The following MYO3B variants were observed in gnomAD, a reference collection of about 807,000 sequenced individuals.
The protein encoded by MYO3B is myosin-IIIb.
In MYO3B, 156 loss-of-function variants were observed where a neutral mutation model predicts 174.6. That is an observed-to-expected ratio of 0.89 (90% confidence interval 0.78 to 1.02). The LOEUF is 1.02. Ranked by LOEUF, MYO3B falls within the 50% of genes least tolerant of loss-of-function variation. MYO3B has a pLI of 0.00. For missense variants in MYO3B, 1,632 were observed against 1,639.4 expected, an observed-to-expected ratio of 1.00 and a Z score of 0.08; for synonymous variants, 563 against 569.1, an observed-to-expected ratio of 0.99 and a Z score of 0.15.
chr2:170,335,275 C>G (rs961571437), intron 7 of MYO3B, 110 bp from the exon 8 acceptor site: 7 of 836,222 alleles, frequency 8.4e-6, no homozygotes, highest in Non-Finnish European at 1.3e-5. Context: ...CATATGAGAA[C>G]AAACAGATTT....
intron 12 of MYO3B, 97 bp downstream of exon 12, chr2:170,383,911 G>T: frequency 2.0e-6 from 2 of 994,414 alleles, no homozygotes; most frequent in Non-Finnish European, 3.1e-6. Context: ...TTTCCATTCC[G>T]GTTGCTGGTG....
intron 32 of MYO3B, among the ~76,000 whole-genome samples, chr2:170,550,021 G>A (rs1456940523): frequency 6.6e-6 from 1 of 152,186 alleles, no homozygotes; most frequent in African/African-American, 2.4e-5. Context: ...ACAAAGGCAA[G>A]GCTACTGGGC....
intron 22 of MYO3B, among the ~76,000 whole-genome samples, chr2:170,410,361 C>CA: frequency 6.6e-6 from 1 of 151,974 alleles, no homozygotes; most frequent in Non-Finnish European, 1.5e-5. Flanking sequence ...GTGGGTGGAT[C>CA]ACGAGGTCAG....
rs552303122 is a variant in MYO3B at position 170,493,704 on chromosome 2, A to G, written c.3015-4888A>G. Among the ~76,000 whole-genome samples the G allele has an allele frequency of 3.9e-5, 6 of 152,354 alleles. No homozygotes were observed. In the South Asian group the frequency reaches 1.2e-3, roughly 32 times the overall value. Reference sequence around the variant, plus strand: ...CATTTCTAAGCCTAGGTCATAAAACACATTGCAAATTCTTCTCTTTCTCTC... The same window carrying G: ...CATTTCTAAGCCTAGGTCATAAAACGCATTGCAAATTCTTCTCTTTCTCTC... On this transcript the variant is annotated intron_variant, in intron 25 of 34. Transcript: ENST00000408978.
At chr2:170,475,160 A>G (rs539647682) in intron 25 of MYO3B, among the ~76,000 whole-genome samples, 3 of 152,274 alleles carry the variant, frequency 2.0e-5, no homozygotes, top group East Asian at 3.9e-4. Context: ...TCTCTCACCC[A>G]TGATGTTCTT....
At position 170,488,061 on chromosome 2, in the gene MYO3B, C is replaced by T. The variant is rs575648218; in HGVS notation, c.3015-10531C>T. Among the ~76,000 whole-genome samples, 13 of 152,192 alleles carry T rather than the reference C, an allele frequency of 8.5e-5. 1 individual carries two copies. The highest frequency in any genetic ancestry group is 7.2e-4 in the Admixed American group (11 of 15,286). The stretch of plus-strand genomic sequence containing the variant: ...TCAAATTAAAACCACAATTCAACAC[C>T]ATGTTATGCCTATTTTGGCAGTAAC... On this transcript the variant is annotated intron_variant, in intron 25 of 34. Transcript: ENST00000408978.
chr2:170,386,383 C>A, intron 13 of MYO3B, 111 bp downstream of exon 13: 3 of 829,572 alleles, frequency 3.6e-6, no homozygotes, highest in Non-Finnish European at 5.6e-6. Flanking sequence ...TACATAAAGA[C>A]ATTCCATCTT....
intron 7 of MYO3B, among the ~76,000 whole-genome samples, chr2:170,249,815 A>G (rs1308579125): frequency 6.6e-6 from 1 of 152,208 alleles, no homozygotes; most frequent in African/African-American, 2.4e-5. Flanking sequence ...TTATATGGCA[A>G]ACGTCCTTGA....
In MYO3B at chr2:170,229,856, G is replaced by A. The variant is rs149187228; in HGVS notation, c.604-6135G>A. 5.7e-3 allele frequency among the ~76,000 whole-genome samples: 862 copies of A among 152,266 alleles called. 7 individuals carry two copies. Among genetic ancestry groups the A allele is most frequent in the Non-Finnish European group, 9.5e-3 (646 of 68,020 alleles). On this transcript the variant is annotated intron_variant, in intron 6 of 34. Transcript: ENST00000408978. ...ACACCAAGTCTTTGTGCAAGAGAGG[G>A]TGGAACTCACTCCTATCTTGGTAAC...
chr2:170,415,622 A>G (rs1055230971), intron 22 of MYO3B, among the ~76,000 whole-genome samples: 21 of 152,182 alleles, frequency 1.4e-4, no homozygotes, highest in Admixed American at 1.2e-3. Flanking sequence ...CGACGCATCC[A>G]CCCGCATTGT....
chr2:170,298,431 CTT>C (rs1452285661), intron 7 of MYO3B, among the ~76,000 whole-genome samples: 1 of 152,074 alleles, frequency 6.6e-6, no homozygotes, highest in African/African-American at 2.4e-5. Flanking sequence ...AATCCCAACA[CTT>C]TGGGAGGCCG....
chr2:170,620,549 G>A, intron 32 of MYO3B, among the ~76,000 whole-genome samples: 1 of 152,190 alleles, frequency 6.6e-6, no homozygotes, highest in Middle Eastern at 3.2e-3. Flanking sequence ...ACAGAAACTA[G>A]CAGAAGGCAT....
In MYO3B at chr2:170,206,089, T is replaced by C. The variant is rs990949101; in HGVS notation, c.321+5805T>C. On this transcript the variant is annotated intron_variant, in intron 3 of 34. Coordinates refer to ENST00000408978, the MANE Select transcript of MYO3B (RefSeq NM_138995.5). This position sits in a 1 kb window ranked among gnomAD's most constrained non-coding sequence, Gnocchi z 4.3. ...CTGGCATCCTTTGTCCCAACAGTAG[T>C]AGAGTATTTAGAACTCATCACACAC... is the stretch of plus-strand genomic sequence containing the variant. Among the ~76,000 whole-genome samples the C allele has an allele frequency of 6.6e-6, 1 of 152,108 alleles. No homozygotes were observed. Among genetic ancestry groups the C allele is most frequent in the Non-Finnish European group, 1.5e-5 (1 of 68,018 alleles).
At position 170,539,881 on chromosome 2, in the gene MYO3B, C is replaced by T. The variant is rs147302512; in HGVS notation, c.3576-3025C>T. Among the ~76,000 whole-genome samples, 90 of 152,182 alleles carry T rather than the reference C, an allele frequency of 5.9e-4. 1 individual carries two copies. Among genetic ancestry groups the T allele is most frequent in the African/African-American group, 6.3e-4 (26 of 41,530 alleles). On this transcript the variant is annotated intron_variant, in intron 30 of 34. Coordinates refer to ENST00000408978, the MANE Select transcript of MYO3B (RefSeq NM_138995.5). ...AAACATTCCACCTGCCTCAACCTCC[C>T]GAAGTGCTAGGATACCAGGTGTGAG...
intron 32 of MYO3B, among the ~76,000 whole-genome samples, chr2:170,550,706 A>G (rs1015463343): frequency 2.0e-5 from 3 of 152,224 alleles, no homozygotes; most frequent in African/African-American, 7.2e-5. Flanking sequence ...TTGTTTTCCA[A>G]AGCTAGTCTG....
At chr2:170,291,631 C>A (rs1329581059) in intron 7 of MYO3B, among the ~76,000 whole-genome samples, 1 of 151,688 alleles carries the variant, frequency 6.6e-6, no homozygotes, top group African/African-American at 2.4e-5. Flanking sequence ...ATTCTCTCAG[C>A]TTTTATTTGC....
chr2:170,525,507 C>T (rs777717013), intron 30 of MYO3B, among the ~76,000 whole-genome samples: 2 of 152,176 alleles, frequency 1.3e-5, no homozygotes, highest in Non-Finnish European at 2.9e-5. Context: ...AAAAGGAACT[C>T]ATATGAAGAG....
Position 170,277,672 on chromosome 2 carries a change from C to G in MYO3B, c.749+41536C>G, listed in dbSNP as rs753355163. 1.9e-4 allele frequency among the ~76,000 whole-genome samples: 29 copies of G among 151,844 alleles called. 1 individual carries two copies. The highest frequency in any genetic ancestry group is 4.1e-4 in the Non-Finnish European group (28 of 67,982). On this transcript the variant is annotated intron_variant, in intron 7 of 34. Transcript: ENST00000408978. ...GACTAGGAATTTGTTTTTACCTGTACTATTTCATCTGATTATAAAAGTAAT... is the reference window on the plus strand; with the variant it reads ...GACTAGGAATTTGTTTTTACCTGTAGTATTTCATCTGATTATAAAAGTAAT...
At chr2:170,394,891 G>A (rs911969197) in intron 16 of MYO3B, among the ~76,000 whole-genome samples, 2 of 152,202 alleles carry the variant, frequency 1.3e-5, no homozygotes, top group Admixed American at 6.5e-5. Flanking sequence ...GCCAAATGCT[G>A]ATGTAACAGA....
Sources: gnomAD v4.1 joint callset for allele counts (sites outside exome capture counted in the v4.1 genomes callset) on GRCh38, gnomAD v4.1.1 for gene constraint, Gnocchi (gnomAD v3.1) non-coding constraint, MANE v1.5 for transcripts, NCBI Gene and HGNC (gene_info 2026-07-23, HGNC 2026-07-21) for gene names.